Variants in TMEM117 observed in about 807,000 individuals in gnomAD.
TMEM117 encodes the protein transmembrane protein 117.
In TMEM117, 27 loss-of-function variants were observed where a neutral mutation model predicts 52.4. The observed-to-expected ratio is 0.51, with a 90% confidence interval of 0.38 to 0.71. The LOEUF (loss-of-function observed/expected upper bound fraction) is 0.71. Ranked by LOEUF, TMEM117 falls within the 30% of genes least tolerant of loss-of-function variation. TMEM117 has a pLI of 0.00. For synonymous variants in TMEM117, 215 were observed against 206.3 expected (o/e 1.04, Z -0.36); for missense variants, 556 against 630.5 (o/e 0.88, Z 1.26).
At chr12:44,362,125 T>G (rs1343005239) in intron 6 of TMEM117, among the ~76,000 whole-genome samples, 1 of 152,122 alleles carries the variant, frequency 6.6e-6, no homozygotes, top group Non-Finnish European at 1.5e-5. Context: ...ATTTCTTTTC[T>G]CAATCCCTAG....
In TMEM117 at chr12:44,192,258, C is replaced by T. The variant is rs919308811; in HGVS notation, c.511-19032C>T. Reference sequence around the variant, plus strand: ...TGGTCCACTCCCAGAACCCGAGGTCCTCTGCACGTGAGGCTTAGACATGTG... The same window carrying T: ...TGGTCCACTCCCAGAACCCGAGGTCTTCTGCACGTGAGGCTTAGACATGTG... On this transcript the variant is annotated intron_variant, in intron 4 of 7. Transcript: ENST00000266534. Among the ~76,000 whole-genome samples, 4 of 152,152 alleles carry T rather than the reference C, an allele frequency of 2.6e-5. No individual in the cohort carries two copies. The South Asian group carries it at 8.3e-4, about 32-fold the overall frequency.
chr12:43,959,053 C>G (rs1247135672), intron 3 of TMEM117, among the ~76,000 whole-genome samples: 1 of 152,078 alleles, frequency 6.6e-6, no homozygotes, highest in African/African-American at 2.4e-5. Flanking sequence ...GTGATCCGCC[C>G]GCCTTGGCCT....
chr12:43,992,375 C>G (rs896052619), intron 3 of TMEM117, among the ~76,000 whole-genome samples: 1 of 152,008 alleles, frequency 6.6e-6, no homozygotes, highest in Non-Finnish European at 1.5e-5. Flanking sequence ...CTCAAGTGAT[C>G]TCCCACCTCA....
rs115602273 is a variant in TMEM117, at chr12:44,384,026, C to G, written c.899-4000C>G. Among the ~76,000 whole-genome samples, 846 of 152,224 alleles carry G rather than the reference C, an allele frequency of 5.6e-3. 11 individuals carry two copies. The highest frequency in any genetic ancestry group is 0.02 in the African/African-American group (815 of 41,536). On this transcript the variant is annotated intron_variant, in intron 7 of 7. Coordinates refer to ENST00000266534, the MANE Select transcript of TMEM117 (RefSeq NM_032256.3). ...ATCTTAAGGATTATCTAGCTCAACT[C>G]CCTCACTTTATAGACAAGAACACAG...
intron 5 of TMEM117, among the ~76,000 whole-genome samples, chr12:44,253,835 T>TAC (rs10565033): frequency 0.12 from 16,501 of 136,132 alleles, 897 homozygotes; most frequent in Middle Eastern, 0.14. Flanking sequence ...TGATAATTCC[T>TAC]ACACACACAC....
chr12:44,257,765 C>T lies in TMEM117; in HGVS notation c.609-41815C>T, dbSNP rs934111869. Among the ~76,000 whole-genome samples, 5 of 152,174 alleles carry T rather than the reference C, an allele frequency of 3.3e-5. No homozygotes were observed. The East Asian group carries it at 9.7e-4, about 29-fold the overall frequency. Reference sequence around the variant, plus strand: ...GAGACACAGCTTATTTTACATTTTCCTCTCCGAACAAAAATATATCATATG... The same window carrying T: ...GAGACACAGCTTATTTTACATTTTCTTCTCCGAACAAAAATATATCATATG... On this transcript the variant is annotated intron_variant, in intron 5 of 7. Coordinates refer to ENST00000266534, the MANE Select transcript of TMEM117 (RefSeq NM_032256.3).
At chr12:44,308,538 C>A (rs1156742329) in intron 6 of TMEM117, among the ~76,000 whole-genome samples, 1 of 152,054 alleles carries the variant, frequency 6.6e-6, no homozygotes, top group Non-Finnish European at 1.5e-5. Flanking sequence ...TGCTGTACTT[C>A]AGGTCAGAAT....
chr12:44,015,311 C>T (rs1027946455), intron 3 of TMEM117, among the ~76,000 whole-genome samples: 2 of 152,110 alleles, frequency 1.3e-5, no homozygotes, highest in South Asian at 2.1e-4. Flanking sequence ...TTTTATTTAT[C>T]GATTCCATGA....
At chr12:43,844,553 C>G in intron 1 of TMEM117, 71 bp from the exon 2 acceptor site, 1 of 1,343,020 alleles carries the variant, frequency 7.4e-7, no homozygotes, top group Non-Finnish European at 1.0e-6. Flanking sequence ...TGTTATAAAC[C>G]TGAACTGATA....
intron 3 of TMEM117, among the ~76,000 whole-genome samples, chr12:44,003,437 C>G (rs1946145707): frequency 6.6e-6 from 1 of 152,170 alleles, no homozygotes; most frequent in Non-Finnish European, 1.5e-5. Context: ...CTCACAAATG[C>G]ACACAGGTGG....
At chr12:43,925,447 C>T (rs1361847096) in intron 2 of TMEM117, among the ~76,000 whole-genome samples, 1 of 151,998 alleles carries the variant, frequency 6.6e-6, no homozygotes, top group Non-Finnish European at 1.5e-5. Flanking sequence ...CTGAGTGTAT[C>T]ATATGGGCTT....
At chr12:43,925,834 C>T (rs887536337) in intron 2 of TMEM117, among the ~76,000 whole-genome samples, 1 of 152,162 alleles carries the variant, frequency 6.6e-6, no homozygotes, top group Admixed American at 6.5e-5. Context: ...TCATGTGCTT[C>T]AGATGCAATG....
chr12:43,976,112 C>T (rs184260866), intron 3 of TMEM117, among the ~76,000 whole-genome samples: 46 of 152,192 alleles, frequency 3.0e-4, no homozygotes, highest in African/African-American at 9.4e-4. Flanking sequence ...AGTATCTCCC[C>T]GAAAAATAGA....
chr12:44,108,284 C>A (rs1028169822), intron 3 of TMEM117, among the ~76,000 whole-genome samples: 4 of 145,210 alleles, frequency 2.8e-5, no homozygotes, highest in Non-Finnish European at 6.0e-5. Flanking sequence ...ATACATGTGC[C>A]ATGCTGGTGC....
intron 5 of TMEM117, among the ~76,000 whole-genome samples, chr12:44,215,060 T>C (rs1385890029): frequency 6.6e-6 from 1 of 152,192 alleles, no homozygotes; most frequent in Non-Finnish European, 1.5e-5. Flanking sequence ...AATGGGTATT[T>C]TCTTTTGATT....
intron 3 of TMEM117, among the ~76,000 whole-genome samples, chr12:44,132,573 C>T (rs1235947595): frequency 6.6e-6 from 1 of 152,130 alleles, no homozygotes; most frequent in Non-Finnish European, 1.5e-5. Flanking sequence ...TAGCTTCCTT[C>T]TTATTACGTG....
At chr12:44,045,816 C>A (rs972562572) in intron 3 of TMEM117, among the ~76,000 whole-genome samples, 1 of 152,140 alleles carries the variant, frequency 6.6e-6, no homozygotes, top group Non-Finnish European at 1.5e-5. Flanking sequence ...GCACTCCAGC[C>A]TGGGCGACCG....
At chr12:44,380,414 A>G (rs1404000017) in intron 7 of TMEM117, among the ~76,000 whole-genome samples, 2 of 152,186 alleles carry the variant, frequency 1.3e-5, no homozygotes, top group Admixed American at 6.5e-5. Context: ...GAGCCTGGAC[A>G]AGGACTGTGA....
chr12:43,865,577 A>T (rs1031792986), intron 2 of TMEM117, among the ~76,000 whole-genome samples: 1 of 151,954 alleles, frequency 6.6e-6, no homozygotes, highest in Non-Finnish European at 1.5e-5. Flanking sequence ...CATGTCTGTA[A>T]TTCCAGCTAC....
Sources: allele counts gnomAD v4.1 joint callset (sites outside exome capture counted in the v4.1 genomes callset), GRCh38; gene constraint gnomAD v4.1.1; transcripts MANE v1.5; gene names NCBI Gene and HGNC (gene_info 2026-07-23, HGNC 2026-07-21).